Variants in FILIP1L observed in about 807,000 individuals in gnomAD.
FILIP1L encodes the protein filamin A interacting protein 1 like.
A neutral mutation model predicts 96.6 loss-of-function variants in FILIP1L; 55 were observed. That is an observed-to-expected ratio of 0.57 (90% CI 0.46 to 0.71). FILIP1L has a LOEUF of 0.71. Among genes scored for constraint, FILIP1L ranks in the 30% least tolerant of loss-of-function variants. The pLI is 0.00. For missense variants in FILIP1L, 1,304 were observed against 1,321.2 expected (o/e 0.99, Z 0.20); for synonymous variants, 467 against 473.9 (o/e 0.99, Z 0.19).
At chr3:99,874,778 C>G (rs1045645603) in intron 4 of FILIP1L, among the ~76,000 whole-genome samples, 5 of 152,128 alleles carry the variant, frequency 3.3e-5, no homozygotes, top group Non-Finnish European at 5.9e-5. Context: ...ATGATAAAAT[C>G]TGGGATCTGA....
chr3:99,857,117 T>C (rs577128077), intron 4 of FILIP1L, among the ~76,000 whole-genome samples: 3 of 152,328 alleles, frequency 2.0e-5, no homozygotes, highest in East Asian at 1.9e-4. Context: ...AATGAAAGAA[T>C]GAACAAATAC....
Position 99,992,421 on chromosome 3 carries a change from G to T in FILIP1L, c.-10-61391C>A, listed in dbSNP as rs1459354395. 2.0e-5 allele frequency among the ~76,000 whole-genome samples: 3 copies of T among 152,182 alleles called. No homozygotes were observed. In the South Asian group the frequency reaches 6.2e-4, roughly 32 times the overall value. On this transcript the variant is annotated intron_variant, in intron 1 of 5. Transcript: ENST00000477258. Reference sequence around the variant, plus strand: ...TTAATTTGCAGTTCTCTGGTAATTAGTAATGTTGAGAATTTTTTCATGTTT... The same window carrying T: ...TTAATTTGCAGTTCTCTGGTAATTATTAATGTTGAGAATTTTTTCATGTTT...
chr3:100,103,861 A>G (rs1291939901), intron 1 of FILIP1L, among the ~76,000 whole-genome samples: 1 of 152,230 alleles, frequency 6.6e-6, no homozygotes, highest in Non-Finnish European at 1.5e-5. Context: ...TGTTGGCAGC[A>G]TTATCAATGA....
chr3:99,964,767 C>T (rs989161939), intron 1 of FILIP1L, among the ~76,000 whole-genome samples: 3 of 152,132 alleles, frequency 2.0e-5, no homozygotes, highest in Non-Finnish European at 4.4e-5. Context: ...CCCTAGGAGA[C>T]TAATGCCCAG....
At position 99,850,497 on chromosome 3, in the gene FILIP1L, C is replaced by G. The variant is rs746880528; in HGVS notation, c.1179G>C (p.Glu393Asp). 1.9e-6 allele frequency: 3 copies of G among 1,613,200 alleles called. No individual in the cohort carries two copies. Among genetic ancestry groups the G allele is most frequent in the Non-Finnish European group, 2.5e-6 (3 of 1,179,842 alleles). The change falls in exon 5 of 6, where the codon GAG becomes GAC. Residue 393 changes from glutamate (E) to aspartate (D), a missense_variant. Transcript: ENST00000477258. ...TCTTATTGAGATCTCTGCACTGCTC[C>G]TCCATTTTTATGAGCTCTTCATCTT... ...EGKDEELIKM[E>D]EQCRDLNKRL... is the part of the protein sequence containing the mutation.
intron 4 of FILIP1L, among the ~76,000 whole-genome samples, chr3:99,913,434 A>G (rs1559685857): frequency 6.6e-6 from 1 of 152,218 alleles, no homozygotes; most frequent in Non-Finnish European, 1.5e-5. Flanking sequence ...TGATTAACCT[A>G]TTTCTAAAGG....
chr3:99,983,464 G>GTGTA lies in FILIP1L; in HGVS notation c.-10-52435_-10-52434insTACA, dbSNP rs1491438114. 2.0e-3 allele frequency among the ~76,000 whole-genome samples: 25 copies of GTGTA among 12,682 alleles called. 4 individuals are homozygous for GTGTA. Among genetic ancestry groups the GTGTA allele is most frequent in the African/African-American group, 4.6e-3 (22 of 4,732 alleles). 8.3% of individuals were successfully genotyped at this position (12,682 alleles called of 152,430 possible). ...TATGTATGTATATATATATATGTGT[G>GTGTA]TATATATATATATATATATATATAT... On this transcript the variant is annotated intron_variant, in intron 1 of 5. Transcript: ENST00000477258.
At chr3:100,087,352 C>A (rs976844708) in intron 1 of FILIP1L, among the ~76,000 whole-genome samples, 4 of 152,202 alleles carry the variant, frequency 2.6e-5, no homozygotes, top group African/African-American at 9.7e-5. Flanking sequence ...AGCAACCTCA[C>A]CAGCAATTGG....
intron 3 of FILIP1L, among the ~76,000 whole-genome samples, chr3:99,924,685 AT>A (rs1487076769): frequency 6.6e-6 from 1 of 151,326 alleles, no homozygotes; most frequent in Non-Finnish European, 1.5e-5. Context: ...TGCCCAACTA[AT>A]TTTTTTTGTA....
chr3:99,990,850 A>G (rs1447686266), intron 1 of FILIP1L, among the ~76,000 whole-genome samples: 1 of 152,164 alleles, frequency 6.6e-6, no homozygotes, highest in Non-Finnish European at 1.5e-5. Flanking sequence ...TTCCCTTCAT[A>G]TTTTCTCCAA....
chr3:100,094,486 T>C (rs1273038326), intron 1 of FILIP1L, among the ~76,000 whole-genome samples: 1 of 152,128 alleles, frequency 6.6e-6, no homozygotes, highest in African/African-American at 2.4e-5. Flanking sequence ...GTGTTAAGTA[T>C]AAAAACTCTT....
intron 5 of FILIP1L, chr3:99,833,162 T>A: frequency 7.3e-7 from 1 of 1,376,206 alleles, no homozygotes. Flanking sequence ...AACGATTTTT[T>A]AATAAATGCT....
chr3:99,876,690 G>A (rs898301093), intron 4 of FILIP1L, among the ~76,000 whole-genome samples: 3 of 152,164 alleles, frequency 2.0e-5, no homozygotes, highest in Middle Eastern at 3.2e-3. Flanking sequence ...GGGGTCCTCA[G>A]AGGATGGTGT....
At chr3:100,088,036 G>C (rs1049250026) in intron 1 of FILIP1L, among the ~76,000 whole-genome samples, 1 of 151,968 alleles carries the variant, frequency 6.6e-6, no homozygotes, top group Non-Finnish European at 1.5e-5. Flanking sequence ...TTACCATGTT[G>C]GCCAGGCTGG....
At chr3:99,894,649 A>G (rs965458051) in intron 4 of FILIP1L, among the ~76,000 whole-genome samples, 2 of 152,220 alleles carry the variant, frequency 1.3e-5, no homozygotes, top group African/African-American at 4.8e-5. Context: ...TTGCAGAAAG[A>G]CTGTTTCAAG....
intron 1 of FILIP1L, among the ~76,000 whole-genome samples, chr3:100,039,315 C>T (rs933995961): frequency 2.6e-5 from 4 of 152,108 alleles, no homozygotes; most frequent in Admixed American, 6.5e-5. Flanking sequence ...CTATGAAGTA[C>T]ATAAGAAGTA....
intron 4 of FILIP1L, among the ~76,000 whole-genome samples, chr3:99,877,497 CTAAG>C (rs746162814): frequency 6.7e-4 from 102 of 152,240 alleles, no homozygotes; most frequent in Non-Finnish European, 1.2e-3. Flanking sequence ...CTAGATCACT[CTAAG>C]TACCTACTGA....
intron 1 of FILIP1L, among the ~76,000 whole-genome samples, chr3:99,939,806 G>A (rs145941150): frequency 5.3e-5 from 8 of 152,280 alleles, no homozygotes; most frequent in East Asian, 1.9e-4. Context: ...CAGATTCCTC[G>A]TCTGCAAGAT....
chr3:100,042,340 A>G (rs1298156216), intron 1 of FILIP1L, among the ~76,000 whole-genome samples: 1 of 152,202 alleles, frequency 6.6e-6, no homozygotes, highest in African/African-American at 2.4e-5. Flanking sequence ...GCCAGTAACA[A>G]AAAAACATTG....
Sources: allele counts gnomAD v4.1 joint callset (sites outside exome capture counted in the v4.1 genomes callset), GRCh38; gene constraint gnomAD v4.1.1; transcripts MANE v1.5; gene names NCBI Gene and HGNC (gene_info 2026-07-23, HGNC 2026-07-21).